Variants in RPA3 observed in about 807,000 individuals in gnomAD.
RPA3 encodes the protein replication protein A 14 kDa subunit.
In RPA3, 24 loss-of-function variants were observed where a neutral mutation model predicts 13.7. That is an observed-to-expected ratio of 1.75 (90% CI 1.27 to 2.46). The LOEUF (loss-of-function observed/expected upper bound fraction) is 2.46. Among genes scored for constraint, RPA3 ranks in the 30% most tolerant of loss-of-function variants. The probability of loss-of-function intolerance (pLI) is 0.00; values close to 1 mark genes in which losing one functional copy is unlikely to be tolerated. For missense variants in RPA3, 183 were observed against 151.0 expected (o/e 1.21, Z -1.11); for synonymous variants, 59 against 51.2 (o/e 1.15, Z -0.65).
At chr7:7,647,032 A>G (rs554331303) in intron 4 of RPA3, among the ~76,000 whole-genome samples, 3 of 152,302 alleles carry the variant, frequency 2.0e-5, no homozygotes, top group Non-Finnish European at 1.5e-5. Flanking sequence ...GTTTTGTGAA[A>G]TTAGTGTGGA....
At chr7:7,649,072 C>T (rs552209220) in intron 4 of RPA3, among the ~76,000 whole-genome samples, 36 of 147,300 alleles carry the variant, frequency 2.4e-4, no homozygotes, top group South Asian at 6.5e-4. Context: ...GCAGGAGAAT[C>T]GCTTGAACCC....
At chr7:7,669,145 A>G (rs1308894664) in intron 4 of RPA3, among the ~76,000 whole-genome samples, 3 of 151,832 alleles carry the variant, frequency 2.0e-5, no homozygotes, top group Non-Finnish European at 4.4e-5. Flanking sequence ...AACCTTTTGT[A>G]TAGGAAAAAA....
At chr7:7,711,223 A>G (rs1337773673) in intron 2 of RPA3, among the ~76,000 whole-genome samples, 1 of 152,210 alleles carries the variant, frequency 6.6e-6, no homozygotes, top group African/African-American at 2.4e-5. Context: ...ATATTTCCAT[A>G]TAATTTCTCC....
chr7:7,696,284 A>G (rs1780314724), intron 2 of RPA3, among the ~76,000 whole-genome samples: 1 of 151,582 alleles, frequency 6.6e-6, no homozygotes, highest in South Asian at 2.1e-4. Context: ...AAAGTTGGTA[A>G]GAATTATTAG....
In RPA3 at chr7:7,716,276, A is replaced by G. The variant is rs1213818110; in HGVS notation, c.-1079-1050T>C. Among the ~76,000 whole-genome samples the G allele has an allele frequency of 2.0e-5, 3 of 152,342 alleles. No individual in the cohort carries two copies. In the East Asian group the frequency reaches 5.8e-4, roughly 29 times the overall value. ...CGATATTATTACAACATGGGAAGGA[A>G]CAATGCCAAGAAAAATTGTATTTAT... is the stretch of plus-strand genomic sequence containing the variant. On this transcript the variant is annotated intron_variant, in intron 1 of 7. Coordinates refer to ENST00000223129, the MANE Select transcript of RPA3 (RefSeq NM_002947.5).
chr7:7,679,741 C>G (rs973031298), intron 4 of RPA3, among the ~76,000 whole-genome samples: 1 of 144,016 alleles, frequency 6.9e-6, no homozygotes, highest in Non-Finnish European at 1.5e-5. Flanking sequence ...TACACACACA[C>G]ATATTAAGAG....
chr7:7,656,836 G>C (rs1453470565), intron 4 of RPA3, among the ~76,000 whole-genome samples: 1 of 152,180 alleles, frequency 6.6e-6, no homozygotes, highest in Non-Finnish European at 1.5e-5. Context: ...ACCCAGTAAT[G>C]GGATTGCTGG....
At chr7:7,714,201 A>C (rs1385159291) in intron 2 of RPA3, among the ~76,000 whole-genome samples, 1 of 152,262 alleles carries the variant, frequency 6.6e-6, no homozygotes, top group East Asian at 1.9e-4. Flanking sequence ...AAAGAAAAGC[A>C]TATCAGTCTT....
chr7:7,697,782 C>A (rs192408084), intron 2 of RPA3, among the ~76,000 whole-genome samples: 2 of 152,206 alleles, frequency 1.3e-5, no homozygotes, highest in East Asian at 3.9e-4. Flanking sequence ...TGTCATTATG[C>A]CTCTTTTCAC....
At chr7:7,703,429 C>CT (rs1443011800) in intron 2 of RPA3, among the ~76,000 whole-genome samples, 3 of 152,082 alleles carry the variant, frequency 2.0e-5, no homozygotes, top group African/African-American at 7.2e-5. Flanking sequence ...TGTGAGTGCT[C>CT]TAATTTCTTA....
intron 4 of RPA3, among the ~76,000 whole-genome samples, chr7:7,646,519 G>C (rs1387757281): frequency 1.6e-5 from 2 of 128,628 alleles, no homozygotes; most frequent in Non-Finnish European, 3.1e-5. Context: ...TCTCTCGTCT[G>C]ACACCATGTA....
At chr7:7,711,083 A>G (rs1290441970) in intron 2 of RPA3, among the ~76,000 whole-genome samples, 1 of 152,164 alleles carries the variant, frequency 6.6e-6, no homozygotes, top group Admixed American at 6.5e-5. Context: ...GAAGGATAAC[A>G]CTGGGGATTC....
chr7:7,714,694 C>T (rs1780849128), intron 2 of RPA3, among the ~76,000 whole-genome samples: 1 of 152,014 alleles, frequency 6.6e-6, no homozygotes, highest in Non-Finnish European at 1.5e-5. Flanking sequence ...CATCAGGTGT[C>T]CCTAACTGCA....
At chr7:7,697,907 T>G (rs957921777) in intron 2 of RPA3, among the ~76,000 whole-genome samples, 2 of 152,198 alleles carry the variant, frequency 1.3e-5, no homozygotes, top group Non-Finnish European at 2.9e-5. Flanking sequence ...GAGGAAAATT[T>G]TGATATTCCC....
chr7:7,712,329 A>C (rs937119481), intron 2 of RPA3, among the ~76,000 whole-genome samples: 1 of 152,158 alleles, frequency 6.6e-6, no homozygotes, highest in African/African-American at 2.4e-5. Context: ...TACAATATTT[A>C]GTCTTCTTCA....
rs528794753 is a variant in RPA3 at position 7,715,212 on chromosome 7, C to T, written c.-1065G>A. 5.3e-5 allele frequency: 8 copies of T among 152,258 alleles called. No homozygotes were observed. The highest frequency in any genetic ancestry group is 1.0e-4 in the Non-Finnish European group (7 of 68,002). The allele number at this position is 152,258 out of a possible 1,614,324, so 9.4% of individuals were successfully genotyped here. A position where few individuals can be genotyped will look rare whatever the true frequency, so the allele number is the denominator to read the frequency against. ...TATTCCCTGTGCATTGTCTTCACATCCTTTTTCTGAGTACCTGAGACAAAG... is the reference window on the plus strand; with the variant it reads ...TATTCCCTGTGCATTGTCTTCACATTCTTTTTCTGAGTACCTGAGACAAAG... On this transcript the variant is annotated 5_prime_UTR_variant, in exon 2 of 8. Coordinates refer to ENST00000223129, the MANE Select transcript of RPA3 (RefSeq NM_002947.5).
intron 2 of RPA3, among the ~76,000 whole-genome samples, chr7:7,687,554 A>G (rs1008350671): frequency 1.3e-5 from 2 of 152,222 alleles, no homozygotes; most frequent in African/African-American, 4.8e-5. Flanking sequence ...CTATGCTTAT[A>G]TGATCAGTCC....
intron 2 of RPA3, among the ~76,000 whole-genome samples, chr7:7,697,120 T>G (rs1780340000): frequency 6.6e-6 from 1 of 152,186 alleles, no homozygotes; most frequent in Non-Finnish European, 1.5e-5. Context: ...TTGCTTTTCT[T>G]TTTATTTAAA....
intron 4 of RPA3, among the ~76,000 whole-genome samples, chr7:7,657,981 A>G (rs1386728322): frequency 6.6e-6 from 1 of 152,028 alleles, no homozygotes; most frequent in Non-Finnish European, 1.5e-5. Flanking sequence ...GTCCTCTCCT[A>G]TTTCCTTGAG....
Sources: gnomAD v4.1 joint callset for allele counts (sites outside exome capture counted in the v4.1 genomes callset) on GRCh38, gnomAD v4.1.1 for gene constraint, MANE v1.5 for transcripts, NCBI Gene and HGNC (gene_info 2026-07-23, HGNC 2026-07-21) for gene names.